NEK10: variants seen among roughly 807,000 people sequenced by gnomAD.
NEK10 encodes NIMA related kinase 10.
In NEK10, 122 loss-of-function variants were observed where a neutral mutation model predicts 159.8. The ratio of observed to expected loss-of-function variants is 0.76; its 90% CI spans 0.66 to 0.89. NEK10 has a LOEUF of 0.89. Ranked by LOEUF, NEK10 falls within the 40% of genes least tolerant of loss-of-function variation. The pLI, the probability that NEK10 is intolerant of heterozygous loss-of-function variation, is 0.00. For synonymous variants in NEK10, 466 were observed against 457.1 expected, an observed-to-expected ratio of 1.02 and a Z score of -0.25; for missense variants, 1,342 against 1,323.1, an observed-to-expected ratio of 1.01 and a Z score of -0.22.
chr3:27,267,516 T>C (rs2041000520), intron 22 of NEK10, among the ~76,000 whole-genome samples: 1 of 152,220 alleles, frequency 6.6e-6, no homozygotes, highest in African/African-American at 2.4e-5. Context: ...CTCATAATAT[T>C]TCAAACTTTA....
intron 23 of NEK10, among the ~76,000 whole-genome samples, chr3:27,233,691 C>A (rs1379168893): frequency 6.6e-6 from 1 of 151,918 alleles, no homozygotes; most frequent in African/African-American, 2.4e-5. Context: ...ATAAGATGTA[C>A]AAAGAAGAGC....
At position 27,304,841 on chromosome 3, in the gene NEK10, C is replaced by A. The variant is rs766149670; in HGVS notation, c.934G>T (p.Val312Phe). 1.9e-6 allele frequency: 3 copies of A among 1,613,764 alleles called. No individual in the cohort carries two copies. Among genetic ancestry groups the A allele is most frequent in the Non-Finnish European group, 2.5e-6 (3 of 1,179,810 alleles). Residue 312 changes from valine to phenylalanine, a missense_variant, in exon 12 of 36, where the codon GTC (valine) becomes TTC (phenylalanine). Val to Phe is a conservative substitution (Grantham distance 50). Coordinates refer to ENST00000691995, the MANE Select transcript of NEK10 (RefSeq NM_001394966.1). ...TCACAAACCTGTACCAGAATCCAGA[C>A]AATGCTCCAGAGGAGCTTCAAGTGG... ...SDHLKLLWSI[V>F]WILVQVCEDP...
intron 6 of NEK10, among the ~76,000 whole-genome samples, chr3:27,319,157 T>C (rs2045438277): frequency 6.6e-6 from 1 of 152,178 alleles, no homozygotes; most frequent in African/African-American, 2.4e-5. Context: ...CAATTCAGGA[T>C]CTTTTAAGGT....
chr3:27,324,990 C>G (rs1338155476), intron 5 of NEK10, among the ~76,000 whole-genome samples: 1 of 152,168 alleles, frequency 6.6e-6, no homozygotes, highest in South Asian at 2.1e-4. Flanking sequence ...AACACTGGAA[C>G]CTCATAAAGA....
intron 13 of NEK10, 113 bp downstream of exon 13, chr3:27,301,583 A>G: frequency 1.3e-6 from 1 of 798,550 alleles, no homozygotes. Context: ...TTCACTTTAC[A>G]TTTTTGTAAA....
At chr3:27,347,581 C>A (rs569273677) in intron 3 of NEK10, among the ~76,000 whole-genome samples, 7 of 148,300 alleles carry the variant, frequency 4.7e-5, no homozygotes, top group Middle Eastern at 3.5e-3. Flanking sequence ...ATAATGTCAG[C>A]TTACAGAAAA....
At chr3:27,347,502 CAAAAAAAAAAAAA>C (rs35966643) in intron 3 of NEK10, among the ~76,000 whole-genome samples, 9 of 63,412 alleles carry the variant, frequency 1.4e-4, no homozygotes, top group Admixed American at 5.5e-4. Flanking sequence ...AACTCCGTCT[CAAAAAAAAAAAAA>C]AAAAAAAAAA....
At chr3:27,361,011 G>T (rs2048644773) in intron 1 of NEK10, among the ~76,000 whole-genome samples, 1 of 152,132 alleles carries the variant, frequency 6.6e-6, no homozygotes, top group South Asian at 2.1e-4. Context: ...AATAGTTACT[G>T]ACCACCTGCT....
chr3:27,224,397 C>T (rs547026518), intron 23 of NEK10, among the ~76,000 whole-genome samples: 44 of 152,336 alleles, frequency 2.9e-4, no homozygotes, highest in African/African-American at 8.7e-4. Flanking sequence ...TGCATACTCC[C>T]GCCCCCACAA....
In NEK10 at chr3:27,332,550, T is replaced by G. The variant is rs183308022; in HGVS notation, c.363-10289A>C. ...ATTCCACCAGCTCAGCTCCATCACT[T>G]TCAATAACTTCATAAAATTCTACAA... On this transcript the variant is annotated intron_variant, in intron 5 of 35. Coordinates refer to ENST00000691995, the MANE Select transcript of NEK10 (RefSeq NM_001394966.1). Among the ~76,000 whole-genome samples the G allele has an allele frequency of 2.0e-5, 3 of 152,328 alleles. No individual in the cohort carries two copies. In the East Asian group the frequency reaches 5.8e-4, roughly 29 times the overall value.
intron 23 of NEK10, among the ~76,000 whole-genome samples, chr3:27,245,489 C>T (rs749792374): frequency 7.9e-5 from 12 of 152,070 alleles, no homozygotes; most frequent in South Asian, 2.1e-4. Context: ...GTCATGTAAA[C>T]GAAAGGCCAC....
intron 23 of NEK10, among the ~76,000 whole-genome samples, chr3:27,221,309 A>G (rs2149154348): frequency 6.6e-6 from 1 of 152,354 alleles, no homozygotes; most frequent in African/African-American, 2.4e-5. Flanking sequence ...TAACTCAATA[A>G]TAAAAACACA....
intron 23 of NEK10, among the ~76,000 whole-genome samples, chr3:27,217,153 T>C (rs1039131215): frequency 1.3e-5 from 2 of 152,182 alleles, no homozygotes; most frequent in Admixed American, 1.3e-4. Context: ...CTAAGGCATC[T>C]GGTGAGTCAT....
chr3:27,121,995 G>T (rs1941380838), intron 32 of NEK10, among the ~76,000 whole-genome samples: 1 of 151,974 alleles, frequency 6.6e-6, no homozygotes, highest in Non-Finnish European at 1.5e-5. Context: ...TCCATCAATG[G>T]ACTTTGGATA....
chr3:27,273,222 C>T (rs1293271825), intron 22 of NEK10, among the ~76,000 whole-genome samples: 2 of 152,150 alleles, frequency 1.3e-5, no homozygotes, highest in East Asian at 1.9e-4. Context: ...GGTGACTGAC[C>T]TCTCTCATAA....
At chr3:27,215,115 T>C in intron 23 of NEK10, 1 of 418,326 alleles carries the variant, frequency 2.4e-6, no homozygotes, top group Non-Finnish European at 4.4e-6. Context: ...AGCATTACCC[T>C]TGAAAACTTC....
chr3:27,212,386 T>TATGTGG (rs1951084500), intron 23 of NEK10, among the ~76,000 whole-genome samples: 2 of 152,206 alleles, frequency 1.3e-5, no homozygotes, highest in Non-Finnish European at 2.9e-5. Context: ...TCTGTAATCT[T>TATGTGG]ATGTGGCTGA....
intron 29 of NEK10, among the ~76,000 whole-genome samples, chr3:27,167,791 T>G (rs1393224431): frequency 6.6e-6 from 1 of 152,226 alleles, no homozygotes; most frequent in Admixed American, 6.5e-5. Flanking sequence ...AAAAAAAGTT[T>G]TATCAACTGA....
chr3:27,256,093 AG>A (rs1267734502), intron 23 of NEK10, among the ~76,000 whole-genome samples: 1 of 152,196 alleles, frequency 6.6e-6, no homozygotes, highest in Admixed American at 6.5e-5. Context: ...ATACCTTAGA[AG>A]AAAGATTATT....
Sources: gnomAD v4.1 joint callset for allele counts (sites outside exome capture counted in the v4.1 genomes callset) on GRCh38, gnomAD v4.1.1 for gene constraint, MANE v1.5 for transcripts, NCBI Gene and HGNC (gene_info 2026-07-23, HGNC 2026-07-21) for gene names.